The following CSMD1 variants were observed in gnomAD, a reference collection of about 807,000 sequenced individuals.
The protein encoded by CSMD1 is CUB and sushi domain-containing protein 1.
Under a neutral mutation model 417.5 loss-of-function variants are expected in CSMD1, and 213 were observed. The observed-to-expected ratio is 0.51, with a 90% CI of 0.46 to 0.57. The LOEUF (loss-of-function observed/expected upper bound fraction) is 0.57. Among genes scored for constraint, CSMD1 ranks in the 20% least tolerant of loss-of-function variants. The pLI is 0.00. For missense variants in CSMD1, 6,923 were observed against 4,529.7 expected (o/e 1.53, Z -15.17); for synonymous variants, 2,862 against 1,736.8 (o/e 1.65, Z -16.11).
chr8:4,086,548 A>G (rs980648947), intron 3 of CSMD1, among the ~76,000 whole-genome samples: 8 of 152,324 alleles, frequency 5.3e-5, no homozygotes, highest in Non-Finnish European at 1.0e-4. Flanking sequence ...AGCTCTTAAA[A>G]TAGGGCCCAC....
intron 1 of CSMD1, among the ~76,000 whole-genome samples, chr8:4,875,468 T>G (rs981344663): frequency 2.6e-5 from 4 of 152,040 alleles, no homozygotes. Context: ...ATTTTACATG[T>G]TTGGATGCAA....
At chr8:4,612,555 C>T (rs1362862372) in intron 2 of CSMD1, among the ~76,000 whole-genome samples, 2 of 152,272 alleles carry the variant, frequency 1.3e-5, no homozygotes, top group Non-Finnish European at 2.9e-5. Context: ...CACCGAGGAA[C>T]TGGAGGAACA....
In CSMD1 at chr8:4,850,804, G is replaced by T. The variant is rs111252097; in HGVS notation, c.85+143528C>A. 9.5e-3 allele frequency among the ~76,000 whole-genome samples: 1,446 copies of T among 151,864 alleles called. 19 individuals are homozygous for T. The highest frequency in any genetic ancestry group is 0.032 in the African/African-American group (1,338 of 41,390). On this transcript the variant is annotated intron_variant, in intron 1 of 69. Transcript: ENST00000635120. ...GCTTGCCTATTATTTTACCCAAACTGCCCTCAAAAATTCAACCAGTGGCAT... is the reference window on the plus strand; with the variant it reads ...GCTTGCCTATTATTTTACCCAAACTTCCCTCAAAAATTCAACCAGTGGCAT...
intron 3 of CSMD1, among the ~76,000 whole-genome samples, chr8:4,178,400 T>C (rs1378258595): frequency 6.6e-6 from 1 of 150,900 alleles, no homozygotes; most frequent in East Asian, 1.9e-4. Flanking sequence ...CTAAAAACTC[T>C]CAATAAATTA....
intron 1 of CSMD1, among the ~76,000 whole-genome samples, chr8:4,943,359 G>T (rs1808147733): frequency 6.6e-6 from 1 of 151,932 alleles, no homozygotes; most frequent in African/African-American, 2.4e-5. Context: ...AGCCGGGCGT[G>T]GTGGTGGACG....
At chr8:3,798,010 G>A (rs188372116) in intron 5 of CSMD1, among the ~76,000 whole-genome samples, 92 of 152,034 alleles carry the variant, frequency 6.1e-4, no homozygotes, top group African/African-American at 1.7e-3. Context: ...GATTATTGAT[G>A]TTGATAAACT....
At chr8:3,938,721 T>C (rs917843176) in intron 5 of CSMD1, among the ~76,000 whole-genome samples, 2 of 152,196 alleles carry the variant, frequency 1.3e-5, no homozygotes, top group African/African-American at 4.8e-5. Flanking sequence ...GACCCAAACA[T>C]AAGTTGTTTT....
At chr8:4,533,972 C>T (rs1048076955) in intron 2 of CSMD1, among the ~76,000 whole-genome samples, 6 of 149,838 alleles carry the variant, frequency 4.0e-5, no homozygotes, top group Non-Finnish European at 7.4e-5. Context: ...ATAAAATACA[C>T]TACAAGAGGG....
intron 5 of CSMD1, among the ~76,000 whole-genome samples, chr8:3,790,266 GA>G (rs1328550406): frequency 1.3e-5 from 2 of 152,106 alleles, no homozygotes; most frequent in Non-Finnish European, 2.9e-5. Context: ...AAACTGAAAC[GA>G]AATAACAGAA....
chr8:3,398,650 A>C (rs1000103840), intron 16 of CSMD1, among the ~76,000 whole-genome samples: 1 of 152,182 alleles, frequency 6.6e-6, no homozygotes, highest in Non-Finnish European at 1.5e-5. Context: ...TGTTATGCAG[A>C]GAATAACCTT....
At chr8:3,791,717 G>A (rs1457345592) in intron 5 of CSMD1, among the ~76,000 whole-genome samples, 1 of 152,154 alleles carries the variant, frequency 6.6e-6, no homozygotes, top group Non-Finnish European at 1.5e-5. Flanking sequence ...CAGCAACTCA[G>A]GAGGCTGAAG....
chr8:3,695,115 T>TGTGTGTGTGTGTGC (rs999676752), intron 7 of CSMD1, among the ~76,000 whole-genome samples: 65 of 151,200 alleles, frequency 4.3e-4, no homozygotes, highest in African/African-American at 1.5e-3. Flanking sequence ...TGTGTGTGTG[T>TGTGTGTGTGTGTGC]GGTTATTGAA....
At chr8:3,241,544 G>A (rs534220608) in intron 26 of CSMD1, among the ~76,000 whole-genome samples, 5 of 152,252 alleles carry the variant, frequency 3.3e-5, no homozygotes, top group Admixed American at 1.3e-4. Flanking sequence ...AGAGTTCCAG[G>A]GGCTCTGGGA....
chr8:3,512,258 C>A (rs773953476), intron 10 of CSMD1, among the ~76,000 whole-genome samples: 1 of 152,232 alleles, frequency 6.6e-6, no homozygotes. Flanking sequence ...GCATTCTCAT[C>A]TTCAGGGATG....
chr8:4,198,439 G>A (rs1290446354), intron 3 of CSMD1, among the ~76,000 whole-genome samples: 1 of 152,158 alleles, frequency 6.6e-6, no homozygotes, highest in African/African-American at 2.4e-5. Context: ...CCATACCTGT[G>A]GTGGTTAGGT....
chr8:3,465,512 G>A (rs1006304711), intron 12 of CSMD1, among the ~76,000 whole-genome samples: 2 of 152,168 alleles, frequency 1.3e-5, no homozygotes, highest in African/African-American at 4.8e-5. Context: ...GCAGGGGGTA[G>A]TGGGGGTGCC....
chr8:4,307,768 G>T (rs188739942), intron 3 of CSMD1, among the ~76,000 whole-genome samples: 3 of 152,152 alleles, frequency 2.0e-5, no homozygotes, highest in Non-Finnish European at 4.4e-5. Flanking sequence ...ATCAAGGGTG[G>T]AATAAGGTCC....
chr8:4,035,686 T>C (rs144027627), intron 3 of CSMD1, among the ~76,000 whole-genome samples: 1 of 152,204 alleles, frequency 6.6e-6, no homozygotes, highest in Admixed American at 6.5e-5. Context: ...TGCACAACTG[T>C]GCAAGGTTTA....
rs529470473 is a variant in CSMD1 at position 3,872,291 on chromosome 8, C to G, written c.819-118249G>C. On this transcript the variant is annotated intron_variant, in intron 5 of 69. Coordinates refer to ENST00000635120, the MANE Select transcript of CSMD1 (RefSeq NM_033225.6). ...ACTGAACGTGTCAGGTTTGGGGTCA[C>G]CCTGTAAGTGCCATCTGGCTCATTC... Among the ~76,000 whole-genome samples the G allele has an allele frequency of 2.4e-4, 36 of 152,236 alleles. 2 individuals are homozygous for G. In the South Asian group the frequency reaches 4.4e-3, roughly 18 times the overall value.
Sources: gnomAD v4.1 joint callset for allele counts (sites outside exome capture counted in the v4.1 genomes callset) on GRCh38, gnomAD v4.1.1 for gene constraint, MANE v1.5 for transcripts, NCBI Gene and HGNC (gene_info 2026-07-23, HGNC 2026-07-21) for gene names.